The following UBN2 variants were observed in gnomAD, a reference collection of about 807,000 sequenced individuals.
The protein encoded by UBN2 is ubinuclein 2, also known as ubinuclein-2.
Under a neutral mutation model 120.2 loss-of-function variants are expected in UBN2, and 35 were observed. That is an observed-to-expected ratio of 0.29 (90% CI 0.22 to 0.39). UBN2 has a LOEUF of 0.39. Among genes scored for constraint, UBN2 ranks in the 10% least tolerant of loss-of-function variants. The pLI is 1.00. For synonymous variants in UBN2, 661 were observed against 648.7 expected (o/e 1.02, Z -0.29); for missense variants, 1,693 against 1,663.2 (o/e 1.02, Z -0.31).
At chr7:139,263,352 T>C (rs1304418577) in intron 6 of UBN2, among the ~76,000 whole-genome samples, 1 of 152,226 alleles carries the variant, frequency 6.6e-6, no homozygotes, top group Admixed American at 6.5e-5. Context: ...ATTATAGCCC[T>C]ACCCTCAAGG....
intron 15 of UBN2, among the ~76,000 whole-genome samples, chr7:139,291,030 AT>A (rs1418941417): frequency 1.3e-5 from 2 of 152,184 alleles, no homozygotes; most frequent in African/African-American, 4.8e-5. Context: ...TTCATTAGTT[AT>A]TTTTAAAATA....
Position 139,283,019 on chromosome 7 carries a change from AT to A in UBN2, c.2119-3del. On this transcript the variant is annotated splice_region_variant and splice_polypyrimidine_tract_variant and intron_variant, in intron 14 of 17. Transcript: ENST00000473989. ...TATTTTTTTCCATATGATGCTTTAC[AT>A]TAGGAGTGTAGTCCAAAAAAGGACC... 1 of 1,568,808 alleles carries A rather than the reference AT, an allele frequency of 6.4e-7. No homozygotes were observed. Among genetic ancestry groups the A allele is most frequent in the Non-Finnish European group, 8.6e-7 (1 of 1,161,608 alleles).
At chr7:139,259,028 T>G (rs185770830) in intron 4 of UBN2, among the ~76,000 whole-genome samples, 21 of 152,296 alleles carry the variant, frequency 1.4e-4, no homozygotes, top group East Asian at 5.8e-4. Flanking sequence ...CCCAAAGACT[T>G]ACTTACACCA....
chr7:139,266,240 A>AG (rs1797095441), intron 6 of UBN2, 93 bp from the exon 7 acceptor site: 6 of 830,434 alleles, frequency 7.2e-6, no homozygotes, highest in Admixed American at 5.0e-5. Context: ...AAAAAAAAAA[A>AG]AAAAAGAAAA....
chr7:139,233,481 T>C (rs1796082241), intron 1 of UBN2, among the ~76,000 whole-genome samples: 1 of 152,200 alleles, frequency 6.6e-6, no homozygotes, highest in Non-Finnish European at 1.5e-5. Context: ...TGGTTCTTAC[T>C]GTGTGCTAGA....
chr7:139,293,681 A>G (rs897761469), intron 16 of UBN2: 22 of 641,150 alleles, frequency 3.4e-5, no homozygotes, highest in Non-Finnish European at 1.1e-5. Flanking sequence ...TTTCCATCTT[A>G]ATGAAATTTT....
chr7:139,262,585 C>T (rs1048700477), intron 6 of UBN2, among the ~76,000 whole-genome samples: 6 of 151,740 alleles, frequency 4.0e-5, no homozygotes, highest in Admixed American at 3.3e-4. Context: ...TGTGGTGGCG[C>T]GTGCCTGTAA....
chr7:139,310,155 G>T (rs1184277250), downstream of UBN2, among the ~76,000 whole-genome samples: 1 of 151,988 alleles, frequency 6.6e-6, no homozygotes, highest in Non-Finnish European at 1.5e-5. Flanking sequence ...TCCTAACATT[G>T]GATTTGGCTT....
intron 5 of UBN2, 109 bp from the exon 6 acceptor site, chr7:139,261,143 T>G (rs1796918421): frequency 1.5e-6 from 2 of 1,292,226 alleles, no homozygotes; most frequent in Non-Finnish European, 2.1e-6. Flanking sequence ...TTAAGAAAAC[T>G]GCTCTGTCAC....
chr7:139,272,746 C>T (rs1172317305), intron 9 of UBN2, among the ~76,000 whole-genome samples: 4 of 152,150 alleles, frequency 2.6e-5, no homozygotes, highest in Non-Finnish European at 5.9e-5. Flanking sequence ...AGGCTGGTCT[C>T]AAACTCCTGA....
the UBN2 span, among the ~76,000 whole-genome samples, chr7:139,319,948 T>C: frequency 0.015 from 2,265 of 150,562 alleles, 55 homozygotes; most frequent in African/African-American, 0.05. Context: ...TGGTGGCGGG[T>C]GCCTGTAGTC....
At chr7:139,261,125 A>G in intron 5 of UBN2, 127 bp from the exon 6 acceptor site, 2 of 1,136,312 alleles carry the variant, frequency 1.8e-6, no homozygotes. Flanking sequence ...GTATAAGTTA[A>G]TAAGAAATTA....
rs771460473 is a variant in UBN2, at chr7:139,283,279, A to C, written c.2374A>C (p.Met792Leu). Residue 792 changes from methionine (M) to leucine (L), a missense_variant, in exon 15 of 18, where the codon ATG becomes CTG. Physicochemically the swap from Met to Leu is conservative, Grantham distance 15. Coordinates refer to ENST00000473989, the MANE Select transcript of UBN2 (RefSeq NM_173569.4). ...CCCTCCAGTTGGCTCAAGGATAAGCATGCCAACCACAAAGCCTCGTCCAGG... is the reference window on the plus strand; with the variant it reads ...CCCTCCAGTTGGCTCAAGGATAAGCCTGCCAACCACAAAGCCTCGTCCAGG... ...KGPPVGSRISMPTTKPRPGLR... is the reference protein window; with the variant it reads ...KGPPVGSRISLPTTKPRPGLR... The C allele has an allele frequency of 1.2e-6, 2 of 1,613,872 alleles. No individual in the cohort carries two copies. Among genetic ancestry groups the C allele is most frequent in the South Asian group, 2.2e-5 (2 of 91,058 alleles).
At chr7:139,233,984 T>A (rs924345843) in intron 1 of UBN2, among the ~76,000 whole-genome samples, 1 of 152,082 alleles carries the variant, frequency 6.6e-6, no homozygotes, top group Admixed American at 6.5e-5. Flanking sequence ...CAAAATCCAT[T>A]GTATATAATC....
intron 13 of UBN2, among the ~76,000 whole-genome samples, chr7:139,279,607 C>T (rs951890579): frequency 2.6e-5 from 4 of 152,078 alleles, no homozygotes; most frequent in African/African-American, 9.7e-5. Context: ...AGGTAAAATA[C>T]AACAAATATT....
At position 139,298,983 on chromosome 7, in the gene UBN2, C is replaced by T. The variant is rs942449040; in HGVS notation, c.*1147C>T. 6.6e-6 allele frequency: 1 copy of T among 152,140 alleles called. No homozygotes were observed. The highest frequency in any genetic ancestry group is 1.5e-5 in the Non-Finnish European group (1 of 68,020). The allele number at this position is 152,140 out of a possible 1,614,324, so 9.4% of individuals were successfully genotyped here. A position where few individuals can be genotyped will look rare whatever the true frequency, so the allele number is the denominator to read the frequency against. On this transcript the variant is annotated 3_prime_UTR_variant, in exon 18 of 18. Coordinates refer to ENST00000473989, the MANE Select transcript of UBN2 (RefSeq NM_173569.4). ...GGATCACAATCACGACATATTTTTA[C>T]TCCCTGTATCCAGTGTAGTGAAATT...
intron 16 of UBN2, chr7:139,293,665 A>G (rs1345820327): frequency 4.7e-6 from 3 of 641,524 alleles, no homozygotes; most frequent in Non-Finnish European, 8.0e-6. Context: ...AGCTATCTAT[A>G]CCACATTTCC....
At chr7:139,270,885 C>T (rs1797252599) in intron 8 of UBN2, among the ~76,000 whole-genome samples, 1 of 152,168 alleles carries the variant, frequency 6.6e-6, no homozygotes, top group Non-Finnish European at 1.5e-5. Context: ...GCTGGGATTA[C>T]AGGCATGTGC....
intron 13 of UBN2, among the ~76,000 whole-genome samples, chr7:139,281,493 C>G (rs1797607677): frequency 2.6e-5 from 4 of 152,176 alleles, no homozygotes; most frequent in Admixed American, 2.0e-4. Context: ...CTCCCTCCCT[C>G]CCTTCCATTC....
Sources: allele counts gnomAD v4.1 joint callset (sites outside exome capture counted in the v4.1 genomes callset), GRCh38; gene constraint gnomAD v4.1.1; transcripts MANE v1.5; gene names NCBI Gene and HGNC (gene_info 2026-07-23, HGNC 2026-07-21).